The following CENPK variants were observed in gnomAD, a reference collection of about 807,000 sequenced individuals.
CENPK encodes the protein centromere protein K.
In CENPK, 46 loss-of-function variants were observed where a neutral mutation model predicts 40.9. That is an observed-to-expected ratio of 1.13 (90% CI 0.89 to 1.44). The LOEUF is 1.44. Among genes scored for constraint, CENPK ranks in the 40% most tolerant of loss-of-function variants. The pLI is 0.00. For missense variants in CENPK, 288 were observed against 303.5 expected (o/e 0.95, Z 0.38); for synonymous variants, 107 against 104.4 (o/e 1.02, Z -0.15).
the CENPK span, among the ~76,000 whole-genome samples, chr5:65,509,907 T>C: frequency 6.6e-6 from 1 of 152,228 alleles, no homozygotes; most frequent in Non-Finnish European, 1.5e-5. Flanking sequence ...AGTGTAATTG[T>C]TTGGAGGAAT....
intron 4 of CENPK, among the ~76,000 whole-genome samples, chr5:65,552,266 A>C (rs1750215243): frequency 6.6e-6 from 1 of 152,244 alleles, no homozygotes; most frequent in Non-Finnish European, 1.5e-5. Context: ...CTAAAAGACA[A>C]ATAATAAAGA....
chr5:65,525,259 G>A (rs1032745322), intron 9 of CENPK, among the ~76,000 whole-genome samples: 22 of 152,068 alleles, frequency 1.4e-4, no homozygotes, highest in African/African-American at 5.3e-4. Context: ...CAGCTACTCA[G>A]GAGGCTGAGG....
chr5:65,503,095 G>T, the CENPK span, among the ~76,000 whole-genome samples: 1 of 148,170 alleles, frequency 6.7e-6, no homozygotes, highest in East Asian at 2.0e-4. Flanking sequence ...CACCGTGCCT[G>T]CCCACCAATG....
downstream of CENPK, among the ~76,000 whole-genome samples, chr5:65,514,426 G>GTAAT (rs1742730095): frequency 1.3e-5 from 2 of 151,276 alleles, no homozygotes; most frequent in Admixed American, 1.3e-4. Flanking sequence ...CACCACGCCT[G>GTAAT]GCTAATTTTT....
At chr5:65,509,962 TTGTG>T in the CENPK span, among the ~76,000 whole-genome samples, 1 of 152,320 alleles carries the variant, frequency 6.6e-6, no homozygotes, top group Middle Eastern at 3.4e-3. Context: ...ATAATAAATG[TTGTG>T]TGTATTTTGA....
intron 3 of CENPK, among the ~76,000 whole-genome samples, chr5:65,553,002 G>A (rs1750361391): frequency 6.6e-6 from 1 of 151,894 alleles, no homozygotes; most frequent in African/African-American, 2.4e-5. Context: ...AAAAATACGA[G>A]TAAATTCTAT....
chr5:65,504,312 C>A, the CENPK span, among the ~76,000 whole-genome samples: 539 of 151,804 alleles, frequency 3.6e-3, 1 homozygote, highest in African/African-American at 0.012. Context: ...CAAAATTAGC[C>A]GGACTTGGTG....
intron 5 of CENPK, chr5:65,551,027 A>G (rs1406702993): frequency 1.1e-5 from 2 of 174,800 alleles, no homozygotes; most frequent in Admixed American, 1.2e-4. Context: ...GGATCCCTTG[A>G]GCCCAGGAGT....
intron 9 of CENPK, among the ~76,000 whole-genome samples, chr5:65,524,002 A>C (rs1303723879): frequency 6.6e-6 from 1 of 152,162 alleles, no homozygotes; most frequent in Non-Finnish European, 1.5e-5. Flanking sequence ...GAATCCAAAG[A>C]CTAAACACCC....
intron 3 of CENPK, among the ~76,000 whole-genome samples, 196 bp downstream of exon 3, chr5:65,554,601 T>C (rs1750681120): frequency 6.6e-6 from 1 of 152,222 alleles, no homozygotes; most frequent in Non-Finnish European, 1.5e-5. Context: ...GCATGGATTG[T>C]CAAAATTTTT....
chr5:65,548,528 C>T (rs1052085916), intron 5 of CENPK, among the ~76,000 whole-genome samples: 1 of 152,098 alleles, frequency 6.6e-6, no homozygotes, highest in Non-Finnish European at 1.5e-5. Flanking sequence ...TTCACAAAAA[C>T]ATTTCTCGGT....
At chr5:65,551,665 C>A (rs776262293) in intron 4 of CENPK, 29 bp from the exon 5 acceptor site, 1 of 1,276,690 alleles carries the variant, frequency 7.8e-7, no homozygotes, top group South Asian at 1.3e-5. Flanking sequence ...AAGTCATTTT[C>A]TGTGGACTAT....
rs145319650 is a variant in CENPK at position 65,521,418 on chromosome 5, T to C, written c.651+57A>G. The C allele has an allele frequency of 2.9e-3, 3,846 of 1,328,952 alleles. 10 individuals are homozygous for C. The highest frequency in any genetic ancestry group is 3.6e-3 in the Non-Finnish European group (3,359 of 928,786). The allele number at this position is 1,328,952 out of a possible 1,614,324, so 82.3% of individuals were successfully genotyped here. ...TTTTGTTTTTCAAGTCTGAGTATAA[T>C]TGTTCACAAATGACTAAGACAGCTT... is the stretch of plus-strand genomic sequence containing the variant. On this transcript the variant is annotated intron_variant, in intron 10 of 10. Transcript: ENST00000396679.
chr5:65,536,209 T>C (rs867252638), intron 6 of CENPK, among the ~76,000 whole-genome samples: 10 of 152,166 alleles, frequency 6.6e-5, no homozygotes, highest in African/African-American at 2.2e-4. Context: ...AGTTGCTAGT[T>C]TGGGGTTGCT....
At chr5:65,498,627 C>T in the CENPK span, among the ~76,000 whole-genome samples, 10 of 135,804 alleles carry the variant, frequency 7.4e-5, no homozygotes, top group South Asian at 2.3e-4. Flanking sequence ...CTTTCTTTTT[C>T]TTTTTTCTTT....
the CENPK span, among the ~76,000 whole-genome samples, chr5:65,507,689 T>C: frequency 6.6e-6 from 1 of 152,224 alleles, no homozygotes; most frequent in Non-Finnish European, 1.5e-5. Context: ...ATTAAAATTA[T>C]TGAAACCAGT....
chr5:65,513,844 G>T (rs1742671042), downstream of CENPK, among the ~76,000 whole-genome samples: 2 of 152,110 alleles, frequency 1.3e-5, no homozygotes, highest in South Asian at 2.1e-4. Context: ...TTAGCTGTAG[G>T]TTTTTTGTAG....
chr5:65,554,770 C>T (rs1301334227), intron 3 of CENPK, 27 bp downstream of exon 3: 1 of 1,125,974 alleles, frequency 8.9e-7, no homozygotes, highest in Non-Finnish European at 1.3e-6. Context: ...CTTATATTAA[C>T]TATCACTTCT....
chr5:65,558,331 G>T (rs1006448978), intron 2 of CENPK, among the ~76,000 whole-genome samples: 1 of 152,022 alleles, frequency 6.6e-6, no homozygotes, highest in Non-Finnish European at 1.5e-5. Context: ...AAGGGGAGAA[G>T]AAAGAATGGG....
Sources: gnomAD v4.1 joint callset for allele counts (sites outside exome capture counted in the v4.1 genomes callset) on GRCh38, gnomAD v4.1.1 for gene constraint, MANE v1.5 for transcripts, NCBI Gene and HGNC (gene_info 2026-07-23, HGNC 2026-07-21) for gene names.